Variants in FGF13 observed in about 807,000 individuals in gnomAD.
FGF13 encodes fibroblast growth factor homologous factor 2.
In FGF13, 2 loss-of-function variants were observed where a neutral mutation model predicts 19.5. The ratio of observed to expected loss-of-function variants is 0.10; its 90% CI spans 0.04 to 0.32. The LOEUF (loss-of-function observed/expected upper bound fraction) is 0.32. Ranked by LOEUF, FGF13 falls within the 10% of genes least tolerant of loss-of-function variation. FGF13 has a pLI of 1.00. For missense variants in FGF13, 113 were observed against 192.7 expected, an observed-to-expected ratio of 0.59 and a Z score of 2.45; for synonymous variants, 72 against 76.9, an observed-to-expected ratio of 0.94 and a Z score of 0.33.
intron 3 of FGF13, among the ~76,000 whole-genome samples, chrX:138,846,370 C>T (rs1182421033): frequency 9.0e-6 from 1 of 111,299 alleles, no homozygotes; most frequent in African/African-American, 3.3e-5. Context: ...TGAGACAGCT[C>T]CTGCCCCATT....
chrX:139,189,573 G>C (rs1453130923), intron 1 of FGF13, among the ~76,000 whole-genome samples: 1 of 111,948 alleles, frequency 8.9e-6, no homozygotes, highest in South Asian at 3.7e-4. Flanking sequence ...AATGAAATCA[G>C]TCAGTCACAA....
chrX:138,929,278 T>C (rs1418260652), intron 1 of FGF13, among the ~76,000 whole-genome samples: 1 of 109,450 alleles, frequency 9.1e-6, no homozygotes, highest in African/African-American at 3.3e-5. Flanking sequence ...TCTCTGTGTG[T>C]GTGTGTTTAG....
chrX:138,986,388 T>C (rs2091994899), intron 1 of FGF13, among the ~76,000 whole-genome samples: 1 of 111,410 alleles, frequency 9.0e-6, no homozygotes, highest in Non-Finnish European at 1.9e-5. Flanking sequence ...GATCGAACAA[T>C]GAGTGAATAG....
At chrX:138,960,005 C>A (rs1459054312) in intron 1 of FGF13, among the ~76,000 whole-genome samples, 1 of 111,914 alleles carries the variant, frequency 8.9e-6, no homozygotes, top group Non-Finnish European at 1.9e-5. Context: ...TTAATTGGGG[C>A]ATTTAGCCCA....
chrX:139,062,261 G>C (rs756144080), intron 1 of FGF13, among the ~76,000 whole-genome samples: 4 of 111,386 alleles, frequency 3.6e-5, no homozygotes, highest in Middle Eastern at 4.6e-3. Flanking sequence ...TACAGATCTT[G>C]TTTCATTTTT....
In FGF13 at chrX:139,130,441, A is replaced by G. The variant is rs146276243; in HGVS notation, c.-113+72975T>C. Among the ~76,000 whole-genome samples the G allele has an allele frequency of 1.1e-3, 125 of 112,054 alleles. 2 individuals carry two copies. In the East Asian group the frequency reaches 0.03, roughly 27 times the overall value. On this transcript the variant is annotated intron_variant, in intron 1 of 2. Coordinates refer to the FGF13 transcript ENST00000421460. ...ATATTCTTCAATTGTTTGCAACTAA[A>G]AACATGTGTTAATTTGCTTTGAATT...
At chrX:138,959,242 A>G (rs1195592304) in intron 1 of FGF13, among the ~76,000 whole-genome samples, 1 of 111,782 alleles carries the variant, frequency 8.9e-6, no homozygotes, top group Non-Finnish European at 1.9e-5. Context: ...CACTGGTTCG[A>G]AGCACATCTT....
intron 1 of FGF13, among the ~76,000 whole-genome samples, chrX:139,080,734 T>A (rs2083365148): frequency 9.0e-6 from 1 of 111,594 alleles, no homozygotes. Flanking sequence ...TTCCCTTTTT[T>A]AATTATCCTT....
chrX:139,114,315 C>T (rs750499797), intron 1 of FGF13, among the ~76,000 whole-genome samples: 11 of 112,228 alleles, frequency 9.8e-5, no homozygotes, highest in East Asian at 8.4e-4. Context: ...TTCAAACACA[C>T]GGATAGACTC....
At chrX:139,014,578 A>G (rs1273158586) in intron 1 of FGF13, among the ~76,000 whole-genome samples, 1 of 111,515 alleles carries the variant, frequency 9.0e-6, no homozygotes, top group East Asian at 2.8e-4. Flanking sequence ...TAACAGGTAA[A>G]GAGATTTAAG....
At chrX:138,681,241 G>A (rs2089726102) in intron 3 of FGF13, among the ~76,000 whole-genome samples, 1 of 110,646 alleles carries the variant, frequency 9.0e-6, no homozygotes, top group Non-Finnish European at 1.9e-5. Context: ...AATGATCTTA[G>A]CTAAATCTTC....
intron 3 of FGF13, among the ~76,000 whole-genome samples, chrX:138,776,687 T>G (rs918981925): frequency 1.8e-5 from 2 of 112,218 alleles, no homozygotes; most frequent in African/African-American, 6.5e-5. Context: ...CCTATAAACC[T>G]ATCTGAATAT....
intron 1 of FGF13, among the ~76,000 whole-genome samples, chrX:139,108,346 G>A (rs1048555466): frequency 9.0e-6 from 1 of 111,427 alleles, no homozygotes; most frequent in African/African-American, 3.3e-5. Flanking sequence ...CTAATGTCTC[G>A]AAACCCCAGC....
chrX:138,782,418 T>C (rs1234151633), intron 3 of FGF13, among the ~76,000 whole-genome samples: 22 of 109,851 alleles, frequency 2.0e-4, no homozygotes, highest in African/African-American at 6.4e-4. Context: ...AAAACCCCAT[T>C]GTCTCAGCCC....
chrX:138,678,143 C>G (rs2089691723), intron 3 of FGF13, among the ~76,000 whole-genome samples: 1 of 110,800 alleles, frequency 9.0e-6, no homozygotes, highest in Non-Finnish European at 1.9e-5. Flanking sequence ...AACACATGGA[C>G]ACAGGAAGGG....
Position 138,615,275 on chromosome X carries a change from A to G in FGF13, c.*17575T>C. 1 of 112,266 alleles carries G rather than the reference A, an allele frequency of 8.9e-6. No individual in the cohort carries two copies. The highest frequency in any genetic ancestry group is 1.9e-5 in the Non-Finnish European group (1 of 53,230). The allele number at this position is 112,266 out of a possible 1,213,427, so 9.3% of individuals were successfully genotyped here. On this transcript the variant is annotated 3_prime_UTR_variant, in exon 5 of 5. Transcript: ENST00000315930. ...CAGATGCCAATTTCTTGGTTTATATATGATACTGCAGTTATGTAAGTTGAT... is the reference window on the plus strand; with the variant it reads ...CAGATGCCAATTTCTTGGTTTATATGTGATACTGCAGTTATGTAAGTTGAT...
At chrX:139,111,490 T>C (rs562517176) in intron 1 of FGF13, among the ~76,000 whole-genome samples, 34 of 112,091 alleles carry the variant, frequency 3.0e-4, no homozygotes, top group Admixed American at 4.7e-4. Flanking sequence ...AGGATAAAGA[T>C]AGAACCGAGG....
intron 1 of FGF13, among the ~76,000 whole-genome samples, chrX:139,172,656 G>T (rs1354486916): frequency 9.0e-6 from 1 of 111,662 alleles, no homozygotes; most frequent in African/African-American, 3.3e-5. Context: ...GACAGTTTAG[G>T]TAGTATTTCA....
rs1348212839 is a variant in FGF13 at position 138,708,783 on chromosome X, T to C, written c.298+35A>G. On this transcript the variant is annotated intron_variant, in intron 2 of 4. Coordinates refer to ENST00000315930, the MANE Select transcript of FGF13 (RefSeq NM_004114.5). ...AAATAAAAACAGAATGTTAACAACA[T>C]GCTGGCATATACTATTTATTTTGCA... The C allele has an allele frequency of 2.3e-5, 20 of 871,373 alleles. No homozygotes were observed. The East Asian group carries it at 6.0e-4, about 26-fold the overall frequency. 71.8% of individuals were successfully genotyped at this position (871,373 alleles called of 1,213,427 possible). A position where few individuals can be genotyped will look rare whatever the true frequency, so the allele number is the denominator to read the frequency against.
Sources: allele counts gnomAD v4.1 joint callset (sites outside exome capture counted in the v4.1 genomes callset), GRCh38; gene constraint gnomAD v4.1.1; transcripts MANE v1.5; gene names NCBI Gene and HGNC (gene_info 2026-07-23, HGNC 2026-07-21).